Variants in ZNF804A observed in about 807,000 individuals in gnomAD.
ZNF804A encodes the protein zinc finger protein 804A.
Under a neutral mutation model 16.5 loss-of-function variants are expected in ZNF804A, and 2 were observed. The observed-to-expected ratio is 0.12, with a 90% CI of 0.05 to 0.38. The LOEUF (loss-of-function observed/expected upper bound fraction) is 0.38, where lower values mean the gene tolerates loss of function less well. ZNF804A is among the 10% of genes least tolerant of loss of function. The pLI is 0.99. For synonymous variants in ZNF804A, 534 were observed against 489.6 expected (o/e 1.09, Z -1.20); for missense variants, 1,473 against 1,390.7 (o/e 1.06, Z -0.94).
At chr2:184,846,447 C>G (rs1695518567) in intron 1 of ZNF804A, among the ~76,000 whole-genome samples, 1 of 152,034 alleles carries the variant, frequency 6.6e-6, no homozygotes, top group African/African-American at 2.4e-5. Context: ...TTATAATCTA[C>G]AGTGAGACTC....
intron 2 of ZNF804A, among the ~76,000 whole-genome samples, chr2:184,917,162 T>G (rs1375138308): frequency 2.0e-5 from 3 of 152,122 alleles, no homozygotes; most frequent in Admixed American, 6.6e-5. Context: ...CCATCACAAG[T>G]TCACCTCCTT....
intron 1 of ZNF804A, among the ~76,000 whole-genome samples, chr2:184,776,368 G>A (rs1694284628): frequency 6.6e-6 from 1 of 151,348 alleles, no homozygotes; most frequent in Non-Finnish European, 1.5e-5. Flanking sequence ...CAACAGTATA[G>A]ATAGAAAAAA....
intron 1 of ZNF804A, among the ~76,000 whole-genome samples, chr2:184,837,308 C>A (rs1483037938): frequency 1.3e-5 from 2 of 152,058 alleles, no homozygotes; most frequent in Non-Finnish European, 2.9e-5. Context: ...GTGGCCACCT[C>A]TCTTCAGGCT....
At chr2:184,761,944 G>A (rs1694041784) in intron 1 of ZNF804A, among the ~76,000 whole-genome samples, 2 of 152,182 alleles carry the variant, frequency 1.3e-5, no homozygotes, top group Middle Eastern at 3.4e-3. Context: ...ACCATCTTCT[G>A]AAGAAGGCTA....
chr2:184,922,242 T>C (rs371422269), intron 2 of ZNF804A, among the ~76,000 whole-genome samples: 2 of 152,106 alleles, frequency 1.3e-5, no homozygotes, highest in East Asian at 3.9e-4. Context: ...TTCCTTTTCC[T>C]CCATGTCTTC....
chr2:184,649,258 ACT>A (rs1691941333), intron 1 of ZNF804A, among the ~76,000 whole-genome samples: 1 of 152,166 alleles, frequency 6.6e-6, no homozygotes, highest in Non-Finnish European at 1.5e-5. Context: ...ACCATACCAA[ACT>A]CTGTGGGATG....
intron 1 of ZNF804A, among the ~76,000 whole-genome samples, chr2:184,799,161 TC>T (rs1188490712): frequency 1.3e-5 from 2 of 152,034 alleles, no homozygotes; most frequent in African/African-American, 4.8e-5. Flanking sequence ...GGTCTGTGGG[TC>T]CTTTGGAGAT....
At chr2:184,846,874 A>G (rs1260671247) in intron 1 of ZNF804A, among the ~76,000 whole-genome samples, 2 of 152,108 alleles carry the variant, frequency 1.3e-5, no homozygotes, top group Admixed American at 6.6e-5. Context: ...CTTGATGATA[A>G]GTATAGCTAA....
intron 1 of ZNF804A, among the ~76,000 whole-genome samples, chr2:184,747,813 C>G (rs549065081): frequency 5.7e-4 from 86 of 151,128 alleles, no homozygotes; most frequent in Non-Finnish European, 8.7e-4. Flanking sequence ...CCTCTCTCCC[C>G]CATTTAGTAG....
At chr2:184,648,393 T>C (rs1285386232) in intron 1 of ZNF804A, among the ~76,000 whole-genome samples, 2 of 152,138 alleles carry the variant, frequency 1.3e-5, no homozygotes, top group African/African-American at 2.4e-5. Flanking sequence ...CTTGATAGGA[T>C]AAAAATCTCA....
chr2:184,731,562 C>T (rs147005718), intron 1 of ZNF804A, among the ~76,000 whole-genome samples: 51 of 139,466 alleles, frequency 3.7e-4, no homozygotes, highest in African/African-American at 1.3e-3. Flanking sequence ...AGGTCTTTAA[C>T]GCTTTTTTTT....
rs540816179 is a variant in ZNF804A, at chr2:184,861,155, C to T, written c.112-5214C>T. Among the ~76,000 whole-genome samples, 435 of 152,282 alleles carry T rather than the reference C, an allele frequency of 2.9e-3. 4 individuals carry two copies. Among genetic ancestry groups the T allele is most frequent in the African/African-American group, 8.9e-3 (370 of 41,568 alleles). On this transcript the variant is annotated intron_variant, in intron 1 of 3. Transcript: ENST00000302277. ...GCCCAGCATTAGTTTTTTGGGGGGA[C>T]AGGACTGGTGTTGGGATCTGAAGCA...
intron 2 of ZNF804A, among the ~76,000 whole-genome samples, chr2:184,889,343 G>A (rs1020817274): frequency 6.6e-6 from 1 of 151,228 alleles, no homozygotes; most frequent in South Asian, 2.1e-4. Flanking sequence ...ATCTAATTGA[G>A]ACCTGATGTA....
chr2:184,818,938 C>G (rs1045392794), intron 1 of ZNF804A, among the ~76,000 whole-genome samples: 4 of 152,074 alleles, frequency 2.6e-5, no homozygotes, highest in Non-Finnish European at 5.9e-5. Flanking sequence ...TACAAAGAGA[C>G]TAGGACTCCC....
At chr2:184,908,449 G>C (rs1390885640) in intron 2 of ZNF804A, among the ~76,000 whole-genome samples, 1 of 152,026 alleles carries the variant, frequency 6.6e-6, no homozygotes, top group Non-Finnish European at 1.5e-5. Flanking sequence ...TTCTTTTAAG[G>C]TTCTTAAATT....
chr2:184,731,319 A>G (rs1472531076), intron 1 of ZNF804A, among the ~76,000 whole-genome samples: 1 of 150,348 alleles, frequency 6.7e-6, no homozygotes, highest in African/African-American at 2.4e-5. Context: ...ACTGTGTTCC[A>G]AAGTGGTTGT....
intron 1 of ZNF804A, among the ~76,000 whole-genome samples, chr2:184,786,714 TA>T (rs909655131): frequency 6.6e-6 from 1 of 151,998 alleles, no homozygotes; most frequent in African/African-American, 2.4e-5. Context: ...CATTATTGTT[TA>T]AAAATAAATA....
intron 1 of ZNF804A, among the ~76,000 whole-genome samples, chr2:184,810,026 T>C (rs1332398391): frequency 1.3e-5 from 2 of 152,160 alleles, no homozygotes; most frequent in Non-Finnish European, 2.9e-5. Context: ...GTATAACACA[T>C]ATTAGGTTTT....
intron 1 of ZNF804A, among the ~76,000 whole-genome samples, chr2:184,690,570 T>C (rs1692711355): frequency 6.6e-6 from 1 of 152,010 alleles, no homozygotes; most frequent in Admixed American, 6.6e-5. Context: ...ACCTCACAGG[T>C]AACTTTACAA....
Sources: gnomAD v4.1 joint callset for allele counts (sites outside exome capture counted in the v4.1 genomes callset) on GRCh38, gnomAD v4.1.1 for gene constraint, MANE v1.5 for transcripts, NCBI Gene and HGNC (gene_info 2026-07-23, HGNC 2026-07-21) for gene names.